ESYT3: variants seen among roughly 807,000 people sequenced by gnomAD.
ESYT3 encodes the protein extended synaptotagmin 3, also known as extended synaptotagmin-3.
A neutral mutation model predicts 111.5 loss-of-function variants in ESYT3; 101 were observed. The observed-to-expected ratio is 0.91, with a 90% CI of 0.77 to 1.07. The LOEUF is 1.07. Among genes scored for constraint, ESYT3 ranks in the 50% least tolerant of loss-of-function variants. ESYT3 has a pLI of 0.00. For synonymous variants in ESYT3, 416 were observed against 446.8 expected (o/e 0.93, Z 0.87); for missense variants, 1,097 against 1,109.4 (o/e 0.99, Z 0.16).
intron 17 of ESYT3, among the ~76,000 whole-genome samples, 155 bp downstream of exon 17, chr3:138,471,181 A>G (rs2033202036): frequency 6.6e-6 from 1 of 152,190 alleles, no homozygotes; most frequent in Non-Finnish European, 1.5e-5. Flanking sequence ...GAATGGGAGC[A>G]AGTCAATATT....
chr3:138,468,001 C>T, intron 11 of ESYT3, 104 bp from the exon 12 acceptor site: 2 of 975,758 alleles, frequency 2.0e-6, no homozygotes, highest in South Asian at 2.9e-5. Context: ...GGACAGGTTT[C>T]CCTGTCCCTA....
chr3:138,450,916 G>A (rs769502418), intron 1 of ESYT3, among the ~76,000 whole-genome samples: 2 of 152,182 alleles, frequency 1.3e-5, no homozygotes, highest in Non-Finnish European at 2.9e-5. Flanking sequence ...CTCTGAATCT[G>A]ACCCCAAGCC....
intron 1 of ESYT3, among the ~76,000 whole-genome samples, chr3:138,445,413 G>C (rs1366839035): frequency 1.3e-5 from 2 of 152,220 alleles, no homozygotes; most frequent in Non-Finnish European, 2.9e-5. Context: ...CGCCTGACAG[G>C]CATTGGGCCC....
In ESYT3 at chr3:138,479,015, C is replaced by G. The variant is rs763713430; in HGVS notation, c.*2161C>G. 2.6e-5 allele frequency: 4 copies of G among 152,102 alleles called. No individual in the cohort carries two copies. Among genetic ancestry groups the G allele is most frequent in the Admixed American group, 6.5e-5 (1 of 15,278 alleles). The allele number at this position is 152,102 out of a possible 1,614,324, so 9.4% of individuals were successfully genotyped here. A position where few individuals can be genotyped will look rare whatever the true frequency, so the allele number is the denominator to read the frequency against. On this transcript the variant is annotated 3_prime_UTR_variant, in exon 23 of 23. Coordinates refer to ENST00000389567, the MANE Select transcript of ESYT3 (RefSeq NM_031913.5). ...GCCACTCCCATCCAGGGCACATATG[C>G]GACAACTGCAGCAGATGGCTGTCAC...
In ESYT3 at chr3:138,460,501, C is replaced by A; in HGVS notation, c.739-110C>A. On this transcript the variant is annotated intron_variant, in intron 6 of 22. Coordinates refer to ENST00000389567, the MANE Select transcript of ESYT3 (RefSeq NM_031913.5). ...TGCCTGCTTTCCTCCGAACCCCCAC[C>A]CTGGAAGGCTGGGTTCTCCATTCAC... 4 of 1,224,164 alleles carry A rather than the reference C, an allele frequency of 3.3e-6. No individual in the cohort carries two copies. The South Asian group carries it at 3.7e-5, about 11-fold the overall frequency. 75.8% of individuals were successfully genotyped at this position (1,224,164 alleles called of 1,614,324 possible). A position where few individuals can be genotyped will look rare whatever the true frequency, so the allele number is the denominator to read the frequency against.
Position 138,476,842 on chromosome 3 carries a change from G to C in ESYT3, c.2649G>C (p.Gln883His). The stretch of plus-strand genomic sequence containing the variant: ...GGTATGAGCTGACTCCAAATGGACA[G>C]CCCAGAAGCTGATGATGAGAATTCT... The part of the protein sequence containing the change: ...SQWYELTPNG[Q>H]PRS Residue 883 changes from glutamine to histidine, a missense_variant, in exon 23 of 23, where the codon CAG (glutamine) becomes CAC (histidine). Coordinates refer to ENST00000389567, the MANE Select transcript of ESYT3 (RefSeq NM_031913.5). 6.2e-7 allele frequency: 1 copy of C among 1,613,906 alleles called. No homozygotes were observed. The highest frequency in any genetic ancestry group is 2.2e-5 in the East Asian group (1 of 44,882).
At chr3:138,464,258 G>A (rs754786463) in intron 8 of ESYT3, 87 bp from the exon 9 acceptor site, 100 of 1,475,256 alleles carry the variant, frequency 6.8e-5, no homozygotes, top group Non-Finnish European at 9.1e-5. Context: ...GGGGGCAGCA[G>A]TGATCTCTGA....
chr3:138,458,536 C>G (rs915148999), intron 4 of ESYT3, among the ~76,000 whole-genome samples: 1 of 152,252 alleles, frequency 6.6e-6, no homozygotes, highest in Admixed American at 6.5e-5. Flanking sequence ...CTGCCTGTGC[C>G]CTGCACATGT....
intron 8 of ESYT3, 89 bp from the exon 9 acceptor site, chr3:138,464,256 C>T: frequency 6.9e-7 from 1 of 1,447,506 alleles, no homozygotes; most frequent in South Asian, 1.3e-5. Context: ...ATGGGGGCAG[C>T]AGTGATCTCT....
In ESYT3 at chr3:138,473,130, G is replaced by A. The variant is rs543388653; in HGVS notation, c.2237+271G>A. The A allele has an allele frequency of 5.1e-5, 70 of 1,363,926 alleles. No homozygotes were observed. The African/African-American group carries it at 9.6e-4, about 19-fold the overall frequency. The allele number at this position is 1,363,926 out of a possible 1,614,324, so 84.5% of individuals were successfully genotyped here. On this transcript the variant is annotated intron_variant, in intron 18 of 22. Coordinates refer to ENST00000389567, the MANE Select transcript of ESYT3 (RefSeq NM_031913.5). Reference sequence around the variant, plus strand: ...TCCAGCAGAACCATTGAGTTATACTGGGATGACATGGAAAGCTTAATATGT... The same window carrying A: ...TCCAGCAGAACCATTGAGTTATACTAGGATGACATGGAAAGCTTAATATGT...
At chr3:138,468,008 C>T in intron 11 of ESYT3, 97 bp from the exon 12 acceptor site, 1 of 1,066,230 alleles carries the variant, frequency 9.4e-7, no homozygotes, top group South Asian at 1.4e-5. Flanking sequence ...TTTCCCTGTC[C>T]CTACTAGGAT....
Position 138,461,788 on chromosome 3 carries a change from C to T in ESYT3, c.795-298C>T, listed in dbSNP as rs573089530. On this transcript the variant is annotated intron_variant, in intron 7 of 22. Transcript: ENST00000389567. ...GTCGATGGTGGAGCTGAGATTCTAA[C>T]ACAGGCTTCAGCCTTGCTCTTAGCC... Among the ~76,000 whole-genome samples, 8 of 152,330 alleles carry T rather than the reference C, an allele frequency of 5.3e-5. No individual in the cohort carries two copies. The South Asian group carries it at 1.7e-3, about 32-fold the overall frequency.
intron 4 of ESYT3, 94 bp from the exon 5 acceptor site, chr3:138,459,093 C>A: frequency 9.9e-7 from 1 of 1,005,258 alleles, no homozygotes; most frequent in South Asian, 2.0e-5. Flanking sequence ...GCTGCCTGGG[C>A]TCCGGCTGTG....
intron 18 of ESYT3, chr3:138,473,073 A>T: frequency 1.4e-6 from 2 of 1,417,800 alleles, no homozygotes; most frequent in South Asian, 3.2e-5. Flanking sequence ...TGACTATAAA[A>T]TAGATGCTGG....
In ESYT3 at chr3:138,472,450, G is replaced by T; in HGVS notation, c.1828G>T (p.Ala610Ser). The part of the protein sequence containing the change: ...KKGPLLIKKV[A>S]TNQGPKAQPQ... ...AGGCCCTCTGCTCATCAAGAAAGTG[G>T]CTACCAACCAGGGTCCCAAAGCCCA... The change falls in exon 18 of 23, where the codon GCT (alanine) becomes TCT (serine). Residue 610 changes from alanine (A) to serine (S), a missense_variant. Transcript: ENST00000389567. 6.2e-7 allele frequency: 1 copy of T among 1,614,200 alleles called. No homozygotes were observed. The highest frequency in any genetic ancestry group is 1.7e-5 in the Admixed American group (1 of 60,026).
chr3:138,465,310 C>A (rs1386748760), intron 9 of ESYT3, 29 bp from the exon 10 acceptor site: 7 of 1,523,948 alleles, frequency 4.6e-6, no homozygotes, highest in Middle Eastern at 1.7e-4. Context: ...CTGTTGCCTG[C>A]AGGTCAAGAC....
intron 22 of ESYT3, 99 bp downstream of exon 22, chr3:138,476,591 G>A: frequency 8.2e-7 from 1 of 1,222,170 alleles, no homozygotes; most frequent in Non-Finnish European, 1.2e-6. Context: ...AAGAAGGGAG[G>A]GAGATGAACA....
In ESYT3 at chr3:138,468,088, C is replaced by T. The variant is rs1272177361; in HGVS notation, c.1219-17C>T. The T allele has an allele frequency of 1.2e-6, 2 of 1,613,664 alleles. No homozygotes were observed. Among genetic ancestry groups the T allele is most frequent in the Non-Finnish European group, 1.7e-6 (2 of 1,179,698 alleles). On this transcript the variant is annotated splice_polypyrimidine_tract_variant and intron_variant, in intron 11 of 22. Transcript: ENST00000389567. ...TCCCTGGCCCTTTTCCCTGAGCTTT[C>T]TGCCCCTACCCCACAGTGGTTTGTC...
intron 10 of ESYT3, 40 bp downstream of exon 10, chr3:138,465,461 T>A: frequency 6.6e-7 from 1 of 1,519,134 alleles, no homozygotes; most frequent in Non-Finnish European, 9.0e-7. Flanking sequence ...GAGGCAGCCT[T>A]CCCTCCCTGC....
Sources: allele counts gnomAD v4.1 joint callset (sites outside exome capture counted in the v4.1 genomes callset), GRCh38; gene constraint gnomAD v4.1.1; transcripts MANE v1.5; gene names NCBI Gene and HGNC (gene_info 2026-07-23, HGNC 2026-07-21).